Variants in SLC5A1 observed in about 807,000 individuals in gnomAD.
SLC5A1 encodes the protein sodium/glucose cotransporter 1.
A neutral mutation model predicts 73.5 loss-of-function variants in SLC5A1; 42 were observed. That is an observed-to-expected ratio of 0.57 (90% CI 0.45 to 0.74). The LOEUF (loss-of-function observed/expected upper bound fraction) is 0.74. SLC5A1 is among the 30% of genes least tolerant of loss of function. SLC5A1 has a pLI of 0.00. For synonymous variants in SLC5A1, 300 were observed against 317.4 expected (o/e 0.95, Z 0.58); for missense variants, 634 against 855.4 (o/e 0.74, Z 3.23).
Position 32,112,765 on chromosome 22 carries a change from A to C in SLC5A1, c.*2552A>C, listed in dbSNP as rs2094059598. The C allele has an allele frequency of 6.6e-6, 1 of 152,206 alleles. No homozygotes were observed. The highest frequency in any genetic ancestry group is 1.5e-5 in the Non-Finnish European group (1 of 68,044). 9.4% of individuals were successfully genotyped at this position (152,206 alleles called of 1,614,324 possible). ...GGACTGGGGAGATGTTGGTCAAATG[A>C]TACAAAGGTTTAGTTAGGTGGAATA... On this transcript the variant is annotated 3_prime_UTR_variant, in exon 15 of 15. Coordinates refer to ENST00000266088, the MANE Select transcript of SLC5A1 (RefSeq NM_000343.4).
At chr22:32,105,133 G>C (rs1165571706) in intron 14 of SLC5A1, among the ~76,000 whole-genome samples, 1 of 152,112 alleles carries the variant, frequency 6.6e-6, no homozygotes, top group African/African-American at 2.4e-5. Context: ...AAAAATTTTT[G>C]TGAGTACGTA....
intron 5 of SLC5A1, among the ~76,000 whole-genome samples, chr22:32,075,363 C>T (rs2093989238): frequency 6.6e-6 from 1 of 151,954 alleles, no homozygotes; most frequent in Non-Finnish European, 1.5e-5. Flanking sequence ...AGTGTTCTGC[C>T]CTGTGCTTGG....
Position 32,099,173 on chromosome 22 carries a change from T to C in SLC5A1, c.1281-10T>C. ...TTATTGACACCTTGTTGTGGGGGCT[T>C]TAATTTCAGGTTGTTTATCCTGGTG... On this transcript the variant is annotated splice_polypyrimidine_tract_variant and intron_variant, in intron 11 of 14. Coordinates refer to ENST00000266088, the MANE Select transcript of SLC5A1 (RefSeq NM_000343.4). 1 of 1,592,540 alleles carries C rather than the reference T, an allele frequency of 6.3e-7. No homozygotes were observed. Among genetic ancestry groups the C allele is most frequent in the Non-Finnish European group, 8.6e-7 (1 of 1,168,286 alleles).
chr22:32,104,326 A>G (rs1042380522), intron 13 of SLC5A1, among the ~76,000 whole-genome samples: 1 of 152,246 alleles, frequency 6.6e-6, no homozygotes, highest in Non-Finnish European at 1.5e-5. Context: ...GACTATGTCA[A>G]TAGAAACTGT....
rs563240057 is a variant in SLC5A1 at position 32,094,816 on chromosome 22, A to AT, written c.1280+3064dup. On this transcript the variant is annotated intron_variant, in intron 11 of 14. Transcript: ENST00000266088. ...ACTTTTTGTTTCATTTATCTTTTGT[A>AT]TTTTTTTTTTGGTTTCACTTTCTTT... Among the ~76,000 whole-genome samples, 992 of 146,260 alleles carry AT rather than the reference A, an allele frequency of 6.8e-3. 12 individuals are homozygous for AT. The highest frequency in any genetic ancestry group is 0.041 in the East Asian group (203 of 4,950).
chr22:32,110,831 G>A lies in SLC5A1; in HGVS notation c.*618G>A, dbSNP rs934536658. On this transcript the variant is annotated 3_prime_UTR_variant, in exon 15 of 15. Transcript: ENST00000266088. ...GTACTTCCACAAAAGGGAGGGACCC[G>A]GGCCCCAGCCTCAAGCTAGTGGGGG... The A allele has an allele frequency of 2.6e-5, 4 of 155,804 alleles. No homozygotes were observed. Among genetic ancestry groups the A allele is most frequent in the East Asian group, 3.8e-4 (2 of 5,296 alleles). The allele number at this position is 155,804 out of a possible 1,614,324, so 9.7% of individuals were successfully genotyped here. A position where few individuals can be genotyped will look rare whatever the true frequency, so the allele number is the denominator to read the frequency against.
At chr22:32,061,724 A>G (rs949747274) in intron 2 of SLC5A1, among the ~76,000 whole-genome samples, 4 of 152,222 alleles carry the variant, frequency 2.6e-5, no homozygotes, top group Non-Finnish European at 4.4e-5. Flanking sequence ...TACTGCCAAG[A>G]ACTCATGGCT....
In SLC5A1 at chr22:32,049,169, ATC is replaced by A. The variant is rs2093941611; in HGVS notation, c.136-772_136-771del. 4.2e-4 allele frequency among the ~76,000 whole-genome samples: 6 copies of A among 14,252 alleles called. 1 individual carries two copies. The highest frequency in any genetic ancestry group is 1.6e-3 in the African/African-American group (2 of 1,252). The allele number at this position is 14,252 out of a possible 152,430, so 9.3% of individuals were successfully genotyped here. A position where few individuals can be genotyped will look rare whatever the true frequency, so the allele number is the denominator to read the frequency against. ...ATAATCTATATTATATATAATCTAT[ATC>A]TATATCTATATCTATATCTATATCT... On this transcript the variant is annotated intron_variant, in intron 1 of 14. Transcript: ENST00000266088.
intron 5 of SLC5A1, among the ~76,000 whole-genome samples, chr22:32,078,449 G>A (rs2093994318): frequency 6.6e-6 from 1 of 151,868 alleles, no homozygotes; most frequent in South Asian, 2.1e-4. Flanking sequence ...TGTATTTTTA[G>A]TAGAGACAGG....
intron 2 of SLC5A1, among the ~76,000 whole-genome samples, chr22:32,064,603 G>A (rs752961998): frequency 9.9e-5 from 15 of 151,930 alleles, no homozygotes; most frequent in Non-Finnish European, 1.9e-4. Flanking sequence ...CTTAATGAAT[G>A]GCGTCCACCC....
chr22:32,060,046 CACACACAT>C (rs1169597809), intron 2 of SLC5A1, among the ~76,000 whole-genome samples: 5 of 143,316 alleles, frequency 3.5e-5, no homozygotes, highest in East Asian at 2.0e-4. Flanking sequence ...CACACACACA[CACACACAT>C]ATATACACAC....
rs529011155 is a variant in SLC5A1 at position 32,075,846 on chromosome 22, T to C, written c.478-6020T>C. Among the ~76,000 whole-genome samples the C allele has an allele frequency of 2.6e-5, 4 of 152,256 alleles. No individual in the cohort carries two copies. In the East Asian group the frequency reaches 7.7e-4, roughly 29 times the overall value. ...TAGGTTCAACATGGGTCACAGAGCATTGAAATTTTAAAAAGAATTACACCG... is the reference window on the plus strand; with the variant it reads ...TAGGTTCAACATGGGTCACAGAGCACTGAAATTTTAAAAAGAATTACACCG... On this transcript the variant is annotated intron_variant, in intron 5 of 14. Coordinates refer to ENST00000266088, the MANE Select transcript of SLC5A1 (RefSeq NM_000343.4).
At chr22:32,079,749 G>A (rs1349812012) in intron 5 of SLC5A1, among the ~76,000 whole-genome samples, 2 of 152,152 alleles carry the variant, frequency 1.3e-5, no homozygotes, top group South Asian at 2.1e-4. Flanking sequence ...TTGAATTTAA[G>A]TAACTTTATG....
intron 5 of SLC5A1, among the ~76,000 whole-genome samples, chr22:32,071,982 C>T (rs1461399764): frequency 6.6e-6 from 1 of 152,130 alleles, no homozygotes; most frequent in Non-Finnish European, 1.5e-5. Context: ...GATCACTTAG[C>T]TTTAACAATT....
At chr22:32,073,171 G>C (rs969090270) in intron 5 of SLC5A1, among the ~76,000 whole-genome samples, 5 of 152,124 alleles carry the variant, frequency 3.3e-5, no homozygotes, top group South Asian at 2.1e-4. Context: ...TAGTTTTAGT[G>C]CTTATATTTA....
chr22:32,081,837 T>A, intron 5 of SLC5A1, 29 bp from the exon 6 acceptor site: 1 of 1,490,292 alleles, frequency 6.7e-7, no homozygotes, highest in South Asian at 1.1e-5. Flanking sequence ...CCACTCTCCC[T>A]CCTAACTCCG....
At chr22:32,101,258 A>G (rs79924624) in intron 12 of SLC5A1, among the ~76,000 whole-genome samples, 6,834 of 152,194 alleles carry the variant, frequency 0.045, 204 homozygotes, top group Non-Finnish European at 0.07. Flanking sequence ...TGGCCTGCCA[A>G]ACTCAAACCT....
chr22:32,089,176 A>G (rs1453959938), intron 10 of SLC5A1, among the ~76,000 whole-genome samples: 6 of 152,252 alleles, frequency 3.9e-5, no homozygotes, highest in African/African-American at 1.4e-4. Flanking sequence ...AACTCCTTGA[A>G]ATGGACCTTT....
chr22:32,081,418 C>T (rs769007782), intron 5 of SLC5A1, among the ~76,000 whole-genome samples: 1 of 152,140 alleles, frequency 6.6e-6, no homozygotes, highest in Non-Finnish European at 1.5e-5. Context: ...GGTGGGGTTT[C>T]TCACTTATGG....
Sources: allele counts gnomAD v4.1 joint callset (sites outside exome capture counted in the v4.1 genomes callset), GRCh38; gene constraint gnomAD v4.1.1; transcripts MANE v1.5; gene names NCBI Gene and HGNC (gene_info 2026-07-23, HGNC 2026-07-21).